Variants in RPS6KA5 observed in about 807,000 individuals in gnomAD.
RPS6KA5 encodes the protein ribosomal protein S6 kinase alpha-5.
Under a neutral mutation model 85.5 loss-of-function variants are expected in RPS6KA5, and 27 were observed. That is an observed-to-expected ratio of 0.32 (90% CI 0.23 to 0.44). The LOEUF is 0.44. Ranked by LOEUF, RPS6KA5 falls within the 20% of genes least tolerant of loss-of-function variation. The pLI is 1.00. For synonymous variants in RPS6KA5, 334 were observed against 348.2 expected (o/e 0.96, Z 0.46); for missense variants, 811 against 980.9 (o/e 0.83, Z 2.31).
chr14:90,894,276 C>T (rs773915503), intron 13 of RPS6KA5, 137 bp downstream of exon 13: 5 of 1,272,046 alleles, frequency 3.9e-6, no homozygotes, highest in Non-Finnish European at 4.0e-6. Context: ...ATCAAAGAAA[C>T]GTATTTTCAA....
chr14:90,984,182 G>A (rs1209508062), intron 2 of RPS6KA5, among the ~76,000 whole-genome samples: 1 of 152,196 alleles, frequency 6.6e-6, no homozygotes, highest in Non-Finnish European at 1.5e-5. Context: ...CAGAGGACTA[G>A]TCCTGCAGTG....
chr14:91,052,724 T>C (rs940086878), intron 1 of RPS6KA5, among the ~76,000 whole-genome samples: 6 of 150,284 alleles, frequency 4.0e-5, no homozygotes, highest in African/African-American at 1.5e-4. Flanking sequence ...TCCCAGCTAC[T>C]TGGGAGGCTG....
intron 3 of RPS6KA5, among the ~76,000 whole-genome samples, chr14:90,974,055 A>AAAAAAAAAAAAC (rs2039449408): frequency 6.6e-6 from 1 of 151,460 alleles, no homozygotes; most frequent in African/African-American, 2.4e-5. Context: ...AAAAAAAAAA[A>AAAAAAAAAAAAC]AAAATAGTGT....
At chr14:90,914,534 C>CA (rs1414142010) in intron 7 of RPS6KA5, among the ~76,000 whole-genome samples, 1 of 151,998 alleles carries the variant, frequency 6.6e-6, no homozygotes. Context: ...AGGCTGGTCT[C>CA]AAACTCTTGA....
Position 90,863,301 on chromosome 14 carries a change from T to TGAAAAA in RPS6KA5, c.*8772_*8773insTTTTTC, listed in dbSNP as rs1296257672. The stretch of plus-strand genomic sequence containing the variant: ...CTGGGTGGCAGAGCGAGACTCCGTC[T>TGAAAAA]CAAAAAAAAAAAAAAAAAAAAAAAA... On this transcript the variant is annotated 3_prime_UTR_variant, in exon 17 of 17. Transcript: ENST00000614987. The TGAAAAA allele has an allele frequency of 1.7e-4, 1 of 5,810 alleles. No homozygotes were observed. The highest frequency in any genetic ancestry group is 4.0e-3 in the East Asian group (1 of 248). 0.4% of individuals were successfully genotyped at this position (5,810 alleles called of 1,614,324 possible). A position where few individuals can be genotyped will look rare whatever the true frequency, so the allele number is the denominator to read the frequency against.
intron 1 of RPS6KA5, among the ~76,000 whole-genome samples, chr14:91,003,720 G>C (rs558446813): frequency 1.3e-5 from 2 of 152,286 alleles, no homozygotes; most frequent in South Asian, 4.1e-4. Context: ...TTCCCAGGTG[G>C]CTGGTAGGTA....
intron 13 of RPS6KA5, among the ~76,000 whole-genome samples, chr14:90,893,148 A>C (rs1260620158): frequency 6.6e-6 from 1 of 152,206 alleles, no homozygotes; most frequent in Non-Finnish European, 1.5e-5. Flanking sequence ...ATTAAAAAAA[A>C]CTACATGCTT....
chr14:90,893,903 T>C (rs2034690146), intron 13 of RPS6KA5: 1 of 627,256 alleles, frequency 1.6e-6, no homozygotes. Flanking sequence ...TCTATAAATA[T>C]TATAGCACGA....
chr14:90,964,914 CAAAAA>C (rs10713991), intron 3 of RPS6KA5, among the ~76,000 whole-genome samples: 23 of 70,660 alleles, frequency 3.3e-4, no homozygotes, highest in Middle Eastern at 7.8e-3. Flanking sequence ...GACCCTGTCT[CAAAAA>C]AAAAAAAAAA....
intron 1 of RPS6KA5, among the ~76,000 whole-genome samples, chr14:91,040,524 A>C (rs1226460615): frequency 6.6e-6 from 1 of 152,180 alleles, no homozygotes; most frequent in East Asian, 1.9e-4. Context: ...TTTTGTGTTT[A>C]GTGGGCTGCT....
chr14:91,060,009 G>A (rs12435157), intron 1 of RPS6KA5: 282,396 of 981,814 alleles, frequency 0.29, 40,830 homozygotes, highest in African/African-American at 0.32. Flanking sequence ...GCAGACACAC[G>A]TGTGTCACCT....
At chr14:90,922,154 C>T (rs752704105) in intron 6 of RPS6KA5, among the ~76,000 whole-genome samples, 1 of 152,142 alleles carries the variant, frequency 6.6e-6, no homozygotes, top group Non-Finnish European at 1.5e-5. Context: ...CAACAGTCTC[C>T]AGTGTCTCTG....
At chr14:90,941,205 T>C (rs1431643943) in intron 5 of RPS6KA5, among the ~76,000 whole-genome samples, 51 of 152,240 alleles carry the variant, frequency 3.3e-4, no homozygotes, top group Non-Finnish European at 2.9e-5. Context: ...TATAGTAAAA[T>C]ACAGTCACAA....
intron 1 of RPS6KA5, among the ~76,000 whole-genome samples, chr14:91,013,809 T>G (rs902901099): frequency 6.6e-6 from 1 of 152,156 alleles, no homozygotes; most frequent in Non-Finnish European, 1.5e-5. Flanking sequence ...GTGAAGCCAA[T>G]GTACAGGTTG....
At chr14:90,972,847 G>T (rs1440886454) in intron 3 of RPS6KA5, among the ~76,000 whole-genome samples, 3 of 152,074 alleles carry the variant, frequency 2.0e-5, no homozygotes, top group Non-Finnish European at 4.4e-5. Context: ...TACCAGAAAT[G>T]ATTAATTACT....
chr14:90,961,003 C>T lies in RPS6KA5; in HGVS notation c.395-13453G>A, dbSNP rs189875499. Among the ~76,000 whole-genome samples, 38 of 152,244 alleles carry T rather than the reference C, an allele frequency of 2.5e-4. 1 individual carries two copies. Among genetic ancestry groups the T allele is most frequent in the Non-Finnish European group, 5.3e-4 (36 of 68,030 alleles). On this transcript the variant is annotated intron_variant, in intron 3 of 16. Transcript: ENST00000614987. ...GTTTGTACGGAAGTAGCGTAATAAC[C>T]AGATAGGCAGGGGAAGTGGGAAAGG...
intron 1 of RPS6KA5, among the ~76,000 whole-genome samples, chr14:91,043,907 A>C (rs2042695958): frequency 6.6e-6 from 1 of 152,152 alleles, no homozygotes; most frequent in Admixed American, 6.5e-5. Context: ...TTATGGTCCT[A>C]AATCAACTGA....
chr14:90,950,045 A>G (rs900909737), intron 3 of RPS6KA5, among the ~76,000 whole-genome samples: 5 of 152,244 alleles, frequency 3.3e-5, no homozygotes, highest in Admixed American at 2.0e-4. Context: ...AGTGGTGAGC[A>G]TAGCTGCCTT....
intron 2 of RPS6KA5, among the ~76,000 whole-genome samples, chr14:90,982,979 G>C (rs560481957): frequency 6.6e-6 from 1 of 152,306 alleles, no homozygotes; most frequent in East Asian, 1.9e-4. Context: ...CAGGGGTCGT[G>C]GTGGGCACCT....
Sources: allele counts gnomAD v4.1 joint callset (sites outside exome capture counted in the v4.1 genomes callset), GRCh38; gene constraint gnomAD v4.1.1; transcripts MANE v1.5; gene names NCBI Gene and HGNC (gene_info 2026-07-23, HGNC 2026-07-21).